The following RAB18 variants were observed in gnomAD, a reference collection of about 807,000 sequenced individuals.
The protein encoded by RAB18 is RAB18, member RAS oncogene family.
Under a neutral mutation model 28.5 loss-of-function variants are expected in RAB18, and 10 were observed. The ratio of observed to expected loss-of-function variants is 0.35; its 90% CI spans 0.22 to 0.60. The LOEUF (loss-of-function observed/expected upper bound fraction) is 0.60, where lower values mean the gene tolerates loss of function less well. Among genes scored for constraint, RAB18 ranks in the 20% least tolerant of loss-of-function variants. The probability of loss-of-function intolerance (pLI) is 0.78; values close to 1 mark genes in which losing one functional copy is unlikely to be tolerated. For missense variants in RAB18, 188 were observed against 244.2 expected, an observed-to-expected ratio of 0.77 and a Z score of 1.53; for synonymous variants, 93 against 86.9, an observed-to-expected ratio of 1.07 and a Z score of -0.39.
intron 6 of RAB18, among the ~76,000 whole-genome samples, chr10:27,537,036 A>G (rs1264102439): frequency 6.6e-6 from 1 of 152,180 alleles, no homozygotes; most frequent in Non-Finnish European, 1.5e-5. Flanking sequence ...GCTGATTGGT[A>G]TGATCCAGTA....
At chr10:27,528,214 T>C in intron 3 of RAB18, 1 of 427,054 alleles carries the variant, frequency 2.3e-6, no homozygotes, top group South Asian at 1.7e-5. Flanking sequence ...ATAGTTTCGT[T>C]TTGTTTTAAA....
Position 27,541,374 on chromosome 10 carries a change from CAGTT to C in RAB18, c.*3324_*3327del. 1 of 451,318 alleles carries C rather than the reference CAGTT, an allele frequency of 2.2e-6. No homozygotes were observed. The highest frequency in any genetic ancestry group is 7.0e-5 in the East Asian group (1 of 14,282). The allele number at this position is 451,318 out of a possible 1,614,324, so 28.0% of individuals were successfully genotyped here. A position where few individuals can be genotyped will look rare whatever the true frequency, so the allele number is the denominator to read the frequency against. ...TTTTTTTTTTTAATTTTTCTCTCCT[CAGTT>C]GGGAACATCTATCATGCTGGAGGAC... On this transcript the variant is annotated 3_prime_UTR_variant, in exon 7 of 7. Transcript: ENST00000356940.
intron 2 of RAB18, among the ~76,000 whole-genome samples, chr10:27,518,530 G>T (rs749443392): frequency 6.6e-6 from 1 of 152,116 alleles, no homozygotes; most frequent in East Asian, 1.9e-4. Flanking sequence ...TCTTTTTAAC[G>T]TCTATATGCA....
chr10:27,505,133 T>A (rs376180255), intron 1 of RAB18: 222 of 532,876 alleles, frequency 4.2e-4, no homozygotes, highest in Non-Finnish European at 7.8e-4. Context: ...AGTGTTGTGC[T>A]TTCATTTTTT....
rs1044446949 is a variant in RAB18, at chr10:27,504,780, G to C, written c.68+343G>C. On this transcript the variant is annotated intron_variant, in intron 1 of 6. Coordinates refer to ENST00000356940, the MANE Select transcript of RAB18 (RefSeq NM_021252.5). ...GCTGGTTTGGGCCCGAATCCGGCCG[G>C]GGGCGCCTTGCCTCGAACCTCTCGG... 2.2e-5 allele frequency: 12 copies of C among 546,348 alleles called. No individual in the cohort carries two copies. In the East Asian group the frequency reaches 2.2e-4, roughly 10 times the overall value. 33.8% of individuals were successfully genotyped at this position (546,348 alleles called of 1,614,324 possible).
chr10:27,526,677 C>T, intron 2 of RAB18, 151 bp from the exon 3 acceptor site: 7 of 903,508 alleles, frequency 7.7e-6, no homozygotes, highest in Non-Finnish European at 1.2e-5. Flanking sequence ...ATTTTAATGA[C>T]ACTTTTTATC....
Position 27,532,452 on chromosome 10 carries a change from T to A in RAB18, c.187-55T>A, listed in dbSNP as rs3765133. Reference sequence around the variant, plus strand: ...GTTTGACTTTCTACTCTTAAACTAGTATATTGAAGGTCTATTTATACTTTG... The same window carrying A: ...GTTTGACTTTCTACTCTTAAACTAGAATATTGAAGGTCTATTTATACTTTG... On this transcript the variant is annotated intron_variant, in intron 3 of 6. Coordinates refer to ENST00000356940, the MANE Select transcript of RAB18 (RefSeq NM_021252.5). 0.027 allele frequency: 34,555 copies of A among 1,276,490 alleles called. 3,993 individuals are homozygous for A. In the East Asian group the frequency reaches 0.37, roughly 14 times the overall value. The allele number at this position is 1,276,490 out of a possible 1,614,324, so 79.1% of individuals were successfully genotyped here.
intron 2 of RAB18, among the ~76,000 whole-genome samples, chr10:27,518,943 T>A (rs1275554036): frequency 2.0e-5 from 3 of 148,672 alleles, no homozygotes; most frequent in Non-Finnish European, 4.6e-5. Flanking sequence ...GAATACAGTG[T>A]GAGGTATGAA....
chr10:27,529,403 T>C (rs1435258279), intron 3 of RAB18, among the ~76,000 whole-genome samples: 3 of 152,004 alleles, frequency 2.0e-5, no homozygotes, highest in Non-Finnish European at 4.4e-5. Context: ...TCTATAGTTT[T>C]ATTTATAAAA....
chr10:27,525,619 A>G (rs1834656157), intron 2 of RAB18, among the ~76,000 whole-genome samples: 1 of 152,168 alleles, frequency 6.6e-6, no homozygotes, highest in Non-Finnish European at 1.5e-5. Context: ...TGGGCTATGT[A>G]ATCAACACTG....
At chr10:27,515,143 G>C (rs1834409740) in intron 2 of RAB18, among the ~76,000 whole-genome samples, 1 of 152,060 alleles carries the variant, frequency 6.6e-6, no homozygotes, top group South Asian at 2.1e-4. Flanking sequence ...ATAGTATTAG[G>C]TTTCTTTTTC....
chr10:27,534,250 T>C (rs1164544117), intron 6 of RAB18, among the ~76,000 whole-genome samples: 1 of 152,222 alleles, frequency 6.6e-6, no homozygotes, highest in African/African-American at 2.4e-5. Context: ...TCAGTAAAGT[T>C]TGGCACCCAG....
chr10:27,537,956 T>C lies in RAB18; in HGVS notation c.526T>C (p.Trp176Arg), dbSNP rs781533200. 2 of 1,613,944 alleles carry C rather than the reference T, an allele frequency of 1.2e-6. No homozygotes were observed. The highest frequency in any genetic ancestry group is 4.5e-5 in the East Asian group (2 of 44,888). ...VEKIIQTPGL[W>R]ESENQNKGVK... Reference sequence around the variant, plus strand: ...AAAGATCATTCAGACCCCTGGACTGTGGGAAAGTGAGAACCAGAATAAAGG... The same window carrying C: ...AAAGATCATTCAGACCCCTGGACTGCGGGAAAGTGAGAACCAGAATAAAGG... Residue 176 changes from tryptophan to arginine, a missense_variant, in exon 7 of 7, where the codon TGG (tryptophan) becomes CGG (arginine). Transcript: ENST00000356940.
chr10:27,519,836 TAGGA>T (rs1489318164), intron 2 of RAB18, among the ~76,000 whole-genome samples: 2 of 152,202 alleles, frequency 1.3e-5, no homozygotes, highest in Non-Finnish European at 2.9e-5. Flanking sequence ...TAAAATTCAC[TAGGA>T]AATGCAAAGG....
At chr10:27,522,320 C>T (rs1834577111) in intron 2 of RAB18, among the ~76,000 whole-genome samples, 3 of 152,046 alleles carry the variant, frequency 2.0e-5, no homozygotes, top group African/African-American at 7.2e-5. Flanking sequence ...GTTTTAGTCT[C>T]CTAACAGTTT....
rs10508723 is a variant in RAB18 at position 27,539,463 on chromosome 10, C to T, written c.*1412C>T. The T allele has an allele frequency of 0.02, 6,127 of 304,670 alleles. 343 individuals are homozygous for T. Among genetic ancestry groups the T allele is most frequent in the African/African-American group, 0.12 (5,585 of 44,890 alleles). The allele number at this position is 304,670 out of a possible 1,614,324, so 18.9% of individuals were successfully genotyped here. On this transcript the variant is annotated 3_prime_UTR_variant, in exon 7 of 7. Transcript: ENST00000356940. ...TTACATATAAAAACCTCACATTCTA[C>T]TTGATTTACACTTCCTAGTCTACAT... is the stretch of plus-strand genomic sequence containing the variant.
Position 27,533,939 on chromosome 10 carries a change from A to C in RAB18, c.390A>C (p.Glu130Asp). Residue 130 changes from glutamate (E) to aspartate (D), a missense_variant, in exon 6 of 7, where the codon GAA becomes GAC. Physicochemically the swap from Glu to Asp is conservative, Grantham distance 45. Transcript: ENST00000356940. ...CATTTATATTTTAGGAAAATCGTGAAGTCGATAGAAATGAAGGCCTGAAAT... is the reference window on the plus strand; with the variant it reads ...CATTTATATTTTAGGAAAATCGTGACGTCGATAGAAATGAAGGCCTGAAAT... The part of the protein sequence containing the change: ...VGNKIDKENR[E>D]VDRNEGLKFA... The C allele has an allele frequency of 1.2e-6, 2 of 1,610,554 alleles. No individual in the cohort carries two copies. Among genetic ancestry groups the C allele is most frequent in the East Asian group, 2.2e-5 (1 of 44,784 alleles).
chr10:27,529,020 C>T (rs1834735367), intron 3 of RAB18, among the ~76,000 whole-genome samples: 1 of 151,962 alleles, frequency 6.6e-6, no homozygotes, highest in Admixed American at 6.6e-5. Flanking sequence ...CGTTAGCATT[C>T]ATCTTTTTCT....
intron 2 of RAB18, among the ~76,000 whole-genome samples, chr10:27,511,499 T>C (rs1834322103): frequency 6.6e-6 from 1 of 152,070 alleles, no homozygotes; most frequent in Non-Finnish European, 1.5e-5. Flanking sequence ...AGCCACCGCG[T>C]CGAGCCTCTT....
Sources: allele counts gnomAD v4.1 joint callset (sites outside exome capture counted in the v4.1 genomes callset), GRCh38; gene constraint gnomAD v4.1.1; transcripts MANE v1.5; gene names NCBI Gene and HGNC (gene_info 2026-07-23, HGNC 2026-07-21).